Variants in ADCY7 observed in about 807,000 individuals in gnomAD.
ADCY7 encodes adenylate cyclase type 7.
Under a neutral mutation model 120.6 loss-of-function variants are expected in ADCY7, and 72 were observed. The observed-to-expected ratio is 0.60, with a 90% CI of 0.49 to 0.73. The LOEUF (loss-of-function observed/expected upper bound fraction) is 0.73. Among genes scored for constraint, ADCY7 ranks in the 30% least tolerant of loss-of-function variants. ADCY7 has a pLI of 0.00. For synonymous variants in ADCY7, 661 were observed against 628.0 expected, an observed-to-expected ratio of 1.05 and a Z score of -0.78; for missense variants, 1,227 against 1,486.0, an observed-to-expected ratio of 0.83 and a Z score of 2.87.
intron 1 of ADCY7, among the ~76,000 whole-genome samples, chr16:50,248,017 C>A (rs766790935): frequency 3.3e-5 from 5 of 152,170 alleles, no homozygotes; most frequent in Non-Finnish European, 7.3e-5. Context: ...ATAAGTTAGG[C>A]AGGACCCAAA....
At chr16:50,266,217 C>T (rs1461099506), upstream of ADCY7, among the ~76,000 whole-genome samples, 2 of 152,230 alleles carry the variant, frequency 1.3e-5, no homozygotes, top group Non-Finnish European at 2.9e-5. Context: ...AGGCTCAGGC[C>T]AGGCCGCTAA....
chr16:50,307,109 C>T lies in ADCY7; in HGVS notation c.1812C>T (p.Phe604=), dbSNP rs750319429. The change falls in exon 15 of 26, where the codon TTC becomes TTT. Residue 604 remains phenylalanine, a synonymous_variant. Transcript: ENST00000673801. ...ACTTTGCCTGCGCCAGCCTGATCTT[C>T]GTCTGCATCCTGCTCGTCCATGTCC... ...RHDFACASLI[F]VCILLVHVLL... The T allele has an allele frequency of 8.7e-6, 14 of 1,612,036 alleles. No individual in the cohort carries two copies. The highest frequency in any genetic ancestry group is 1.6e-4 in the Middle Eastern group (1 of 6,084).
chr16:50,290,759 C>A, intron 3 of ADCY7, 99 bp downstream of exon 3: 1 of 1,337,102 alleles, frequency 7.5e-7, no homozygotes, highest in Non-Finnish European at 1.0e-6. Flanking sequence ...CCACGCTTGG[C>A]TGTGTGTCTA....
chr16:50,314,176 G>C, intron 23 of ADCY7, 114 bp downstream of exon 23: 1 of 1,409,470 alleles, frequency 7.1e-7, no homozygotes, highest in Non-Finnish European at 9.9e-7. Flanking sequence ...ACAGGTACTT[G>C]TAGGGCTCAG....
chr16:50,252,888 C>T (rs1220454907), intron 1 of ADCY7, among the ~76,000 whole-genome samples: 2 of 152,140 alleles, frequency 1.3e-5, no homozygotes, highest in African/African-American at 2.4e-5. Flanking sequence ...AATTGGAACT[C>T]GAAGTAACCC....
intron 1 of ADCY7, among the ~76,000 whole-genome samples, chr16:50,280,665 T>C (rs1052872690): frequency 6.6e-6 from 1 of 152,216 alleles, no homozygotes; most frequent in Non-Finnish European, 1.5e-5. Flanking sequence ...GAAGTAGCTC[T>C]CTGGGGCCAG....
intron 1 of ADCY7, among the ~76,000 whole-genome samples, chr16:50,285,113 GC>G (rs1641858780): frequency 3.3e-5 from 5 of 152,206 alleles, no homozygotes; most frequent in Admixed American, 1.3e-4. Context: ...CTAGTGGGCT[GC>G]AAATATTGAA....
chr16:50,292,515 G>A, intron 4 of ADCY7, 161 bp from the exon 5 acceptor site: 1 of 834,548 alleles, frequency 1.2e-6, no homozygotes, highest in Non-Finnish European at 1.8e-6. Context: ...GCTCCTGTCT[G>A]GGCCTCAGTT....
At chr16:50,272,568 A>T (rs2033640644) in intron 1 of ADCY7, among the ~76,000 whole-genome samples, 1 of 151,658 alleles carries the variant, frequency 6.6e-6, no homozygotes, top group Admixed American at 6.6e-5. Flanking sequence ...TCCTGGTGGG[A>T]GCTATGTTGG....
At chr16:50,290,263 A>G (rs2034856540) in intron 2 of ADCY7, among the ~76,000 whole-genome samples, 194 bp from the exon 3 acceptor site, 1 of 152,080 alleles carries the variant, frequency 6.6e-6, no homozygotes, top group South Asian at 2.1e-4. Context: ...GATGATGGGA[A>G]GGGGGTGGTT....
chr16:50,245,886 T>C (rs1438474858), upstream of ADCY7, among the ~76,000 whole-genome samples: 1 of 150,204 alleles, frequency 6.7e-6, no homozygotes, highest in Non-Finnish European at 1.5e-5. Flanking sequence ...CTTTCCTTCC[T>C]GCGGCGCCCC....
At chr16:50,255,402 G>GGAAAAA (rs368044444) in intron 1 of ADCY7, among the ~76,000 whole-genome samples, 4 of 108,140 alleles carry the variant, frequency 3.7e-5, no homozygotes, top group African/African-American at 1.5e-4. Context: ...TCTGTTTCTG[G>GGAAAAA]AAAAAAAAAA....
At chr16:50,272,840 G>A (rs2033661142) in intron 1 of ADCY7, among the ~76,000 whole-genome samples, 1 of 152,182 alleles carries the variant, frequency 6.6e-6, no homozygotes, top group Non-Finnish European at 1.5e-5. Context: ...TGGCTGGGAG[G>A]AGGAGCCCTT....
rs776931737 is a variant in ADCY7 at position 50,293,550 on chromosome 16, C to T, written c.836+48C>T. ...AGCATATCCCGGGGACTGGGCCCAC[C>T]GTTCCACCGGCCCCCAGGCGGCCTC... On this transcript the variant is annotated intron_variant, in intron 6 of 25. Coordinates refer to ENST00000673801, the MANE Select transcript of ADCY7 (RefSeq NM_001114.5). The T allele has an allele frequency of 6.3e-6, 10 of 1,594,530 alleles. No homozygotes were observed. In the East Asian group the frequency reaches 6.8e-5, roughly 11 times the overall value.
chr16:50,305,448 T>TG (rs2035995087), intron 12 of ADCY7, 55 bp from the exon 13 acceptor site: 2 of 1,513,030 alleles, frequency 1.3e-6, no homozygotes, highest in African/African-American at 2.7e-5. Context: ...CACCCTCCTC[T>TG]GGGAGAGTTG....
Position 50,292,661 on chromosome 16 carries a change from C to T in ADCY7, c.538-15C>T. The T allele has an allele frequency of 1.2e-6, 2 of 1,612,896 alleles. No homozygotes were observed. The highest frequency in any genetic ancestry group is 1.7e-6 in the Non-Finnish European group (2 of 1,179,376). ...GCCAGGCCACATAATGAGCCAAACC[C>T]CTGTCTACCCGCAGCTGCTGGCCAA... On this transcript the variant is annotated splice_polypyrimidine_tract_variant and intron_variant, in intron 4 of 25. Coordinates refer to ENST00000673801, the MANE Select transcript of ADCY7 (RefSeq NM_001114.5).
chr16:50,315,469 G>A lies in ADCY7; in HGVS notation c.3207G>A (p.Thr1069=), dbSNP rs144584058. The change falls in exon 26 of 26, where the codon ACG becomes ACA. Residue 1069 remains threonine, a synonymous_variant. Coordinates refer to ENST00000673801, the MANE Select transcript of ADCY7 (RefSeq NM_001114.5). ...KGELRTYFVC[T]DTAKFQGLGL... is the part of the protein sequence containing the mutation. ...AGCTGAGGACTTACTTTGTCTGTAC[G>A]GACACTGCCAAGTTTCAGGGGCTGG... 64 of 1,613,494 alleles carry A rather than the reference G, an allele frequency of 4.0e-5. No individual in the cohort carries two copies. The highest frequency in any genetic ancestry group is 8.9e-5 in the East Asian group (4 of 44,858).
chr16:50,286,151 C>T (rs746816686), intron 1 of ADCY7, among the ~76,000 whole-genome samples: 3 of 151,740 alleles, frequency 2.0e-5, no homozygotes, highest in African/African-American at 4.8e-5. Context: ...CTTAACACTT[C>T]GGAGGCTGAG....
intron 1 of ADCY7, among the ~76,000 whole-genome samples, chr16:50,272,506 G>A (rs2033636722): frequency 6.6e-6 from 1 of 152,220 alleles, no homozygotes; most frequent in Non-Finnish European, 1.5e-5. Flanking sequence ...GCTCTGCACA[G>A]ATGGGGAAAC....
Sources: allele counts gnomAD v4.1 joint callset (sites outside exome capture counted in the v4.1 genomes callset), GRCh38; gene constraint gnomAD v4.1.1; transcripts MANE v1.5; gene names NCBI Gene and HGNC (gene_info 2026-07-23, HGNC 2026-07-21).